The following EXOSC10 variants were observed in gnomAD, a reference collection of about 807,000 sequenced individuals.
EXOSC10 encodes exosome component 10, also known as exosome complex component 10.
A neutral mutation model predicts 126.6 loss-of-function variants in EXOSC10; 94 were observed. The ratio of observed to expected loss-of-function variants is 0.74; its 90% CI spans 0.63 to 0.88. The LOEUF (loss-of-function observed/expected upper bound fraction) is 0.88. Among genes scored for constraint, EXOSC10 ranks in the 40% least tolerant of loss-of-function variants. The pLI, the probability that EXOSC10 is intolerant of heterozygous loss-of-function variation, is 0.00. For missense variants in EXOSC10, 1,041 were observed against 1,100.5 expected (o/e 0.95, Z 0.77); for synonymous variants, 395 against 400.8 (o/e 0.99, Z 0.17).
rs35601923 is a variant in EXOSC10, at chr1:11,070,265, TA to T, written c.2317-536del. 7.5e-3 allele frequency among the ~76,000 whole-genome samples: 756 copies of T among 100,580 alleles called. 9 individuals are homozygous for T. Among genetic ancestry groups the T allele is most frequent in the African/African-American group, 0.027 (633 of 23,062 alleles). The allele number at this position is 100,580 out of a possible 152,430, so 66.0% of individuals were successfully genotyped here. ...CACTATTTTTTTTTTAAAAGGAAATTAAAAAAAAAAAAAAAAAAAAGGAAAG... is the reference window on the plus strand; with the variant it reads ...CACTATTTTTTTTTTAAAAGGAAATTAAAAAAAAAAAAAAAAAAAGGAAAG... On this transcript the variant is annotated intron_variant, in intron 21 of 24. Transcript: ENST00000376936.
In EXOSC10 at chr1:11,071,844, A is replaced by T. The variant is rs531807059; in HGVS notation, c.2242+243T>A. On this transcript the variant is annotated intron_variant, in intron 20 of 24. Transcript: ENST00000376936. ...TGCAGGTCTCGTCAATGTCGCATTC[A>T]TTAGACTGCCTTCTCCAACCACCAA... The T allele has an allele frequency of 5.9e-5, 27 of 458,652 alleles. No homozygotes were observed. The South Asian group carries it at 6.7e-4, about 11-fold the overall frequency. The allele number at this position is 458,652 out of a possible 1,614,324, so 28.4% of individuals were successfully genotyped here.
chr1:11,073,909 T>C, intron 19 of EXOSC10, 25 bp downstream of exon 19: 2 of 1,459,812 alleles, frequency 1.4e-6, no homozygotes, highest in Non-Finnish European at 1.9e-6. Context: ...AAGTCTCTTT[T>C]AGAACAGGTG....
At position 11,080,423 on chromosome 1, in the gene EXOSC10, A is replaced by G. The variant is rs936330634; in HGVS notation, c.1637+76T>C. On this transcript the variant is annotated intron_variant, in intron 13 of 24. Transcript: ENST00000376936. ...GAGTAAGCAGCCTTGGGTAATAGCA[A>G]CCAGAAAAGCTTGATTTTGAAGAAC... 5.1e-6 allele frequency: 8 copies of G among 1,577,632 alleles called. No homozygotes were observed. The African/African-American group carries it at 1.1e-4, about 21-fold the overall frequency.
At chr1:11,091,897 C>G (rs1640827161) in intron 3 of EXOSC10, among the ~76,000 whole-genome samples, 1 of 152,094 alleles carries the variant, frequency 6.6e-6, no homozygotes, top group Non-Finnish European at 1.5e-5. Flanking sequence ...ACCCGGTTGG[C>G]CAGGCTGGTC....
At chr1:11,086,015 C>T (rs1303992199) in intron 9 of EXOSC10, among the ~76,000 whole-genome samples, 7 of 150,966 alleles carry the variant, frequency 4.6e-5, no homozygotes, top group Non-Finnish European at 7.4e-5. Context: ...CTGCTGGATT[C>T]GGTTTGCCAG....
chr1:11,071,376 T>A lies in EXOSC10; in HGVS notation c.2243-403A>T, dbSNP rs6540963. The stretch of plus-strand genomic sequence containing the variant: ...CCTTCATCCAAGGTTCCCTTCCCTT[T>A]TCTCACATGCCACATCCACCTCATC... On this transcript the variant is annotated intron_variant, in intron 20 of 24. Transcript: ENST00000376936. 2.0e-5 allele frequency: 4 copies of A among 200,618 alleles called. No homozygotes were observed. The South Asian group carries it at 5.3e-4, about 26-fold the overall frequency. 12.4% of individuals were successfully genotyped at this position (200,618 alleles called of 1,614,324 possible).
intron 14 of EXOSC10, among the ~76,000 whole-genome samples, chr1:11,078,198 G>A (rs945151100): frequency 3.3e-5 from 5 of 152,098 alleles, no homozygotes; most frequent in African/African-American, 4.8e-5. Context: ...TAGCAGATGC[G>A]AGGCTACAGT....
chr1:11,099,677 G>A, intron 1 of EXOSC10, 44 bp downstream of exon 1: 1 of 1,537,992 alleles, frequency 6.5e-7, no homozygotes, highest in Non-Finnish European at 8.8e-7. Flanking sequence ...GGCTTCCGGC[G>A]GCCGCGGGCG....
chr1:11,079,454 C>T (rs1417246891), intron 14 of EXOSC10, among the ~76,000 whole-genome samples: 3 of 141,626 alleles, frequency 2.1e-5, no homozygotes, highest in African/African-American at 8.0e-5. Context: ...AGTGCAGTGG[C>T]GCGATCTCGG....
intron 6 of EXOSC10, 34 bp from the exon 7 acceptor site, chr1:11,088,232 G>T: frequency 1.3e-6 from 2 of 1,497,128 alleles, no homozygotes; most frequent in Non-Finnish European, 1.8e-6. Context: ...AAATCATTCT[G>T]ATTAATTCCA....
rs746805744 is a variant in EXOSC10, at chr1:11,066,757, A to G, written c.2628-9T>C. On this transcript the variant is annotated splice_polypyrimidine_tract_variant and intron_variant, in intron 24 of 24. Coordinates refer to ENST00000376936, the MANE Select transcript of EXOSC10 (RefSeq NM_001001998.3). The stretch of plus-strand genomic sequence containing the variant: ...AGTTGTACCTGAAGCCTCTGCAGAG[A>G]GTACAAAAACAACAGTTATTTCTTC... The G allele has an allele frequency of 8.7e-6, 14 of 1,613,980 alleles. No homozygotes were observed. The highest frequency in any genetic ancestry group is 1.2e-5 in the Non-Finnish European group (14 of 1,179,954).
At chr1:11,082,043 T>C (rs897598204) in intron 10 of EXOSC10, among the ~76,000 whole-genome samples, 30 of 150,772 alleles carry the variant, frequency 2.0e-4, no homozygotes, top group Admixed American at 9.3e-4. Context: ...GATCGCGCCA[T>C]TGCACTCCAG....
In EXOSC10 at chr1:11,083,789, C is replaced by A. The variant is rs188401234; in HGVS notation, c.1090-911G>T. Among the ~76,000 whole-genome samples the A allele has an allele frequency of 2.9e-3, 441 of 152,180 alleles. 2 individuals carry two copies. Among genetic ancestry groups the A allele is most frequent in the Middle Eastern group, 0.01 (3 of 294 alleles). ...CTATCCCTCCCCCCTTTCCCCACCC[C>A]ACAACAGTCCCCAGAGTGTGATGTT... On this transcript the variant is annotated intron_variant, in intron 9 of 24. Coordinates refer to ENST00000376936, the MANE Select transcript of EXOSC10 (RefSeq NM_001001998.3).
chr1:11,099,357 T>G (rs1383005320), intron 1 of EXOSC10, among the ~76,000 whole-genome samples: 1 of 151,768 alleles, frequency 6.6e-6, no homozygotes, highest in East Asian at 1.9e-4. Flanking sequence ...TCCAGGCAAG[T>G]GTGGGGAGCG....
At chr1:11,077,543 C>T in intron 15 of EXOSC10, 58 bp downstream of exon 15, 2 of 1,609,020 alleles carry the variant, frequency 1.2e-6, no homozygotes, top group Non-Finnish European at 1.7e-6. Context: ...GGTGTACTTG[C>T]ACTGGCTGTG....
At chr1:11,096,033 G>A in intron 2 of EXOSC10, 152 bp from the exon 3 acceptor site, 2 of 812,620 alleles carry the variant, frequency 2.5e-6, no homozygotes. Context: ...GCCCAGGCTG[G>A]AGTTCAGTGG....
Position 11,087,535 on chromosome 1 carries a change from C to A in EXOSC10, c.1002G>T (p.Arg334=). ...GLTCLMQIST[R]TEDFIIDTLE... is the part of the protein sequence containing the mutation. ...GGGTGTCAATGATGAAGTCTTCCGT[C>A]CGAGTAGAAATTTGCATCAGGCAGG... is the stretch of plus-strand genomic sequence containing the variant. The change falls in exon 9 of 25, where the codon CGG becomes CGT. Residue 334 remains arginine, a synonymous_variant. Coordinates refer to ENST00000376936, the MANE Select transcript of EXOSC10 (RefSeq NM_001001998.3). The A allele has an allele frequency of 1.2e-6, 2 of 1,614,082 alleles. No individual in the cohort carries two copies. The highest frequency in any genetic ancestry group is 1.7e-6 in the Non-Finnish European group (2 of 1,180,010).
At chr1:11,077,730 T>C in intron 14 of EXOSC10, 79 bp from the exon 15 acceptor site, 1 of 1,237,564 alleles carries the variant, frequency 8.1e-7, no homozygotes, top group Non-Finnish European at 1.1e-6. Context: ...GCGCTGACTG[T>C]ATTCCTTCAC....
At chr1:11,074,464 G>C in intron 17 of EXOSC10, 138 bp from the exon 18 acceptor site, 1 of 609,356 alleles carries the variant, frequency 1.6e-6, no homozygotes, top group Non-Finnish European at 2.9e-6. Context: ...CCAGGCTGGA[G>C]TACAGTGGTG....
Sources: gnomAD v4.1 joint callset for allele counts (sites outside exome capture counted in the v4.1 genomes callset) on GRCh38, gnomAD v4.1.1 for gene constraint, MANE v1.5 for transcripts, NCBI Gene and HGNC (gene_info 2026-07-23, HGNC 2026-07-21) for gene names.